Variants in MEGF6 observed in about 807,000 individuals in gnomAD.
The protein encoded by MEGF6 is multiple epidermal growth factor-like domains protein 6.
A neutral mutation model predicts 207.1 loss-of-function variants in MEGF6; 184 were observed. The observed-to-expected ratio is 0.89, with a 90% CI of 0.79 to 1.00. MEGF6 has a LOEUF of 1.00. Among genes scored for constraint, MEGF6 ranks in the 50% least tolerant of loss-of-function variants. The pLI, the probability that MEGF6 is intolerant of heterozygous loss-of-function variation, is 0.00. For missense variants in MEGF6, 2,282 were observed against 2,202.9 expected (o/e 1.04, Z -0.72); for synonymous variants, 1,038 against 910.0 (o/e 1.14, Z -2.53).
chr1:3,595,922 C>T (rs1010679408), intron 2 of MEGF6, among the ~76,000 whole-genome samples: 2 of 152,168 alleles, frequency 1.3e-5, no homozygotes, highest in Non-Finnish European at 2.9e-5. Context: ...CTGTGCCAGG[C>T]AGGGGAGGTG....
At chr1:3,610,950 T>G (rs1461976741) in intron 1 of MEGF6, among the ~76,000 whole-genome samples, 188 bp downstream of exon 1, 1 of 152,212 alleles carries the variant, frequency 6.6e-6, no homozygotes, top group Non-Finnish European at 1.5e-5. Context: ...CGAGGGGCCC[T>G]GCCACAGAAG....
chr1:3,500,467 A>C (rs1272750162), intron 21 of MEGF6, among the ~76,000 whole-genome samples, 166 bp downstream of exon 21: 1 of 152,250 alleles, frequency 6.6e-6, no homozygotes, highest in Non-Finnish European at 1.5e-5. Context: ...GCGTGCCTGC[A>C]CGTTTTGGTG....
chr1:3,494,026 C>T lies in MEGF6; in HGVS notation c.4228G>A (p.Ala1410Thr), dbSNP rs762369613. ...TCACAGAAGTGGCCGTGGAAGCCGG[C>T]AGGGCAGAGGCATCGGCCACTGATG... ...DPISGRCLCP[A>T]GFHGHFCERG... The change falls in exon 33 of 37, where the codon GCC (alanine) becomes ACC (threonine). Residue 1410 changes from alanine (A) to threonine (T), a missense_variant. By Grantham distance (58) the Ala-to-Thr change is moderately conservative. Transcript: ENST00000356575. 3 of 1,608,780 alleles carry T rather than the reference C, an allele frequency of 1.9e-6. No homozygotes were observed. In the Admixed American group the frequency reaches 5.1e-5, roughly 27 times the overall value.
intron 3 of MEGF6, 89 bp downstream of exon 3, chr1:3,595,248 TC>T: frequency 1.2e-6 from 1 of 866,818 alleles, no homozygotes; most frequent in Non-Finnish European, 1.8e-6. Flanking sequence ...GGAAGGGCGA[TC>T]CCCACCAGGC....
Position 3,501,811 on chromosome 1 carries a change from C to A in MEGF6, c.2299G>T (p.Glu767Ter), listed in dbSNP as rs1640881250. The A allele has an allele frequency of 5.6e-6, 9 of 1,609,786 alleles. No individual in the cohort carries two copies. Among genetic ancestry groups the A allele is most frequent in the African/African-American group, 1.3e-5 (1 of 74,760 alleles). ...TGACACTCACCTGCCTCACAGTCTTCCCCAGTCCTCCCCGGCGGACACCGG... is the reference window on the plus strand; with the variant it reads ...TGACACTCACCTGCCTCACAGTCTTACCCAGTCCTCCCCGGCGGACACCGG... ...QCRCPPGRTG[E>*]DCEADCPEGR... is the part of the protein sequence containing the mutation. Residue 767 changes from glutamate (E) to a stop codon, truncating the protein, a stop_gained, in exon 18 of 37, where the codon GAA becomes TAA. Coordinates refer to ENST00000356575, the MANE Select transcript of MEGF6 (RefSeq NM_001409.4). LOFTEE classifies it high-confidence loss of function.
chr1:3,541,784 G>A (rs1642530469), intron 4 of MEGF6, among the ~76,000 whole-genome samples: 1 of 152,104 alleles, frequency 6.6e-6, no homozygotes, highest in Admixed American at 6.5e-5. Context: ...TGGGTGGGAA[G>A]GGCAGAGCGA....
At chr1:3,504,219 C>G (rs543047993) in intron 17 of MEGF6, among the ~76,000 whole-genome samples, 1 of 152,292 alleles carries the variant, frequency 6.6e-6, no homozygotes, top group Admixed American at 6.5e-5. Context: ...CACAGCAGGC[C>G]CTCGTGGCTC....
chr1:3,580,141 G>A (rs774610245), intron 3 of MEGF6, among the ~76,000 whole-genome samples: 5 of 152,126 alleles, frequency 3.3e-5, no homozygotes, highest in Admixed American at 1.3e-4. Flanking sequence ...GGGGTTAGGC[G>A]GAACCCCTCT....
At chr1:3,593,560 G>A (rs921650610) in intron 3 of MEGF6, among the ~76,000 whole-genome samples, 9 of 150,506 alleles carry the variant, frequency 6.0e-5, no homozygotes, top group African/African-American at 9.8e-5. Flanking sequence ...CTGGGGACTC[G>A]GGCTGGCAGC....
Position 3,549,646 on chromosome 1 carries a change from C to T in MEGF6, c.482-25400G>A, listed in dbSNP as rs1355752901. 3.9e-5 allele frequency among the ~76,000 whole-genome samples: 6 copies of T among 152,312 alleles called. No individual in the cohort carries two copies. The South Asian group carries it at 6.2e-4, about 16-fold the overall frequency. On this transcript the variant is annotated intron_variant, in intron 4 of 36. Coordinates refer to ENST00000356575, the MANE Select transcript of MEGF6 (RefSeq NM_001409.4). Reference sequence around the variant, plus strand: ...CATGGGATATCCAGGGCGACTTGGCCCCGCTGCTCCCCACAGCTCACCCCG... The same window carrying T: ...CATGGGATATCCAGGGCGACTTGGCTCCGCTGCTCCCCACAGCTCACCCCG...
At chr1:3,592,682 G>A (rs1048958743) in intron 3 of MEGF6, among the ~76,000 whole-genome samples, 1 of 152,124 alleles carries the variant, frequency 6.6e-6, no homozygotes, top group African/African-American at 2.4e-5. Flanking sequence ...GGGGTAGCCC[G>A]TGTGAACCCT....
At chr1:3,604,201 G>A (rs1452117539) in intron 1 of MEGF6, among the ~76,000 whole-genome samples, 1 of 152,202 alleles carries the variant, frequency 6.6e-6, no homozygotes, top group Non-Finnish European at 1.5e-5. Flanking sequence ...TCCTGCCCAT[G>A]ACCTCCTGCC....
intron 2 of MEGF6, among the ~76,000 whole-genome samples, chr1:3,598,207 C>A (rs1039417044): frequency 2.0e-5 from 3 of 152,178 alleles, no homozygotes; most frequent in Admixed American, 6.5e-5. Flanking sequence ...AGCCGGGCTG[C>A]CGTCTCTGGG....
upstream of MEGF6, among the ~76,000 whole-genome samples, chr1:3,615,032 G>A (rs1378840188): frequency 6.6e-6 from 1 of 152,200 alleles, no homozygotes; most frequent in Non-Finnish European, 1.5e-5. Flanking sequence ...TTGTCTAAAC[G>A]ACGGCACAGC....
intron 4 of MEGF6, among the ~76,000 whole-genome samples, chr1:3,537,383 C>G (rs12727047): frequency 0.18 from 27,961 of 152,280 alleles, 2,739 homozygotes; most frequent in Middle Eastern, 0.23. Flanking sequence ...CCGGGAGCCA[C>G]GGCCCATAGT....
chr1:3,577,658 G>C (rs569359391), intron 4 of MEGF6, among the ~76,000 whole-genome samples: 1 of 152,190 alleles, frequency 6.6e-6, no homozygotes, highest in African/African-American at 2.4e-5. Flanking sequence ...GCTGAGCCCC[G>C]GGCCCAGGCA....
At chr1:3,490,739 G>A (rs544019857) in intron 36 of MEGF6, 150 bp from the exon 37 acceptor site, 2 of 1,191,160 alleles carry the variant, frequency 1.7e-6, no homozygotes, top group Non-Finnish European at 2.4e-6. Flanking sequence ...TTCCCAGCCT[G>A]TCCTTCCCAG....
chr1:3,570,592 G>A (rs916074977), intron 4 of MEGF6, among the ~76,000 whole-genome samples: 3 of 152,110 alleles, frequency 2.0e-5, no homozygotes, highest in East Asian at 1.9e-4. Context: ...CTGTCCACCC[G>A]CCGGGGCACA....
At chr1:3,555,026 C>T (rs531840045) in intron 4 of MEGF6, among the ~76,000 whole-genome samples, 12 of 152,284 alleles carry the variant, frequency 7.9e-5, no homozygotes, top group Admixed American at 2.0e-4. Context: ...GGCCCTCTCC[C>T]GTCCTGGAAC....
Sources: allele counts gnomAD v4.1 joint callset (sites outside exome capture counted in the v4.1 genomes callset), GRCh38; gene constraint gnomAD v4.1.1; transcripts MANE v1.5; gene names NCBI Gene and HGNC (gene_info 2026-07-23, HGNC 2026-07-21).